FBXL13: variants seen among roughly 807,000 people sequenced by gnomAD.
The protein encoded by FBXL13 is F-box and leucine-rich repeat protein 13.
FBXL13 carries 67 observed loss-of-function variants against 83.6 expected under a neutral mutation model. The observed-to-expected ratio is 0.80, with a 90% CI of 0.66 to 0.98. FBXL13 has a LOEUF of 0.98. Among genes scored for constraint, FBXL13 ranks in the 50% least tolerant of loss-of-function variants. The pLI is 0.00. For synonymous variants in FBXL13, 272 were observed against 299.5 expected (o/e 0.91, Z 0.95); for missense variants, 822 against 866.5 (o/e 0.95, Z 0.64).
At chr7:103,064,484 G>C (rs376223504) in intron 1 of FBXL13, among the ~76,000 whole-genome samples, 2 of 152,280 alleles carry the variant, frequency 1.3e-5, no homozygotes, top group South Asian at 2.1e-4. Context: ...AGAAGAAAAG[G>C]GGGTAATTAC....
intron 1 of FBXL13, among the ~76,000 whole-genome samples, chr7:103,062,346 G>A (rs907684077): frequency 6.6e-6 from 1 of 152,080 alleles, no homozygotes; most frequent in African/African-American, 2.4e-5. Flanking sequence ...TGTTATTTCT[G>A]GATGACCCAC....
At chr7:102,973,807 T>C (rs1380182976) in intron 6 of FBXL13, 1 of 732,028 alleles carries the variant, frequency 1.4e-6, no homozygotes, top group African/African-American at 1.7e-5. Flanking sequence ...CAAGGAAAAA[T>C]CCATACAGCC....
At chr7:102,950,252 T>C (rs1030312618) in intron 8 of FBXL13, among the ~76,000 whole-genome samples, 1 of 152,108 alleles carries the variant, frequency 6.6e-6, no homozygotes, top group Non-Finnish European at 1.5e-5. Context: ...GAAATGTAAA[T>C]TAAAACAGCA....
intron 16 of FBXL13, among the ~76,000 whole-genome samples, chr7:102,868,915 G>C (rs889018122): frequency 1.3e-5 from 2 of 152,212 alleles, no homozygotes; most frequent in African/African-American, 4.8e-5. Flanking sequence ...TGATCCGCCT[G>C]CCTTGGCCTC....
At chr7:102,925,947 A>C (rs1279225364) in intron 10 of FBXL13, among the ~76,000 whole-genome samples, 5 of 151,920 alleles carry the variant, frequency 3.3e-5, no homozygotes, top group African/African-American at 1.2e-4. Flanking sequence ...TCTCAAAAAA[A>C]AAAAAAAAAA....
At chr7:103,019,674 C>A (rs1203151534) in intron 6 of FBXL13, among the ~76,000 whole-genome samples, 1 of 152,112 alleles carries the variant, frequency 6.6e-6, no homozygotes, top group Non-Finnish European at 1.5e-5. Flanking sequence ...TACAAACTAC[C>A]ATCAGAGAAT....
At chr7:102,892,332 T>C (rs1811634783) in intron 11 of FBXL13, among the ~76,000 whole-genome samples, 2 of 152,220 alleles carry the variant, frequency 1.3e-5, no homozygotes, top group Non-Finnish European at 2.9e-5. Flanking sequence ...TGTTAAACAA[T>C]AGGTGTTTGT....
At chr7:102,823,438 T>A (rs1429919222) in intron 18 of FBXL13, among the ~76,000 whole-genome samples, 1 of 152,134 alleles carries the variant, frequency 6.6e-6, no homozygotes, top group African/African-American at 2.4e-5. Flanking sequence ...GAGACAGATG[T>A]TTGGAAGCAA....
chr7:102,877,652 T>C (rs1019236676), intron 15 of FBXL13, 59 bp from the exon 17 acceptor site: 1 of 1,534,262 alleles, frequency 6.5e-7, no homozygotes, highest in Non-Finnish European at 8.8e-7. Flanking sequence ...GTAAGCAATT[T>C]CTTCATATAA....
intron 6 of FBXL13, among the ~76,000 whole-genome samples, chr7:102,998,384 C>T (rs931906809): frequency 6.6e-5 from 10 of 152,278 alleles, no homozygotes; most frequent in African/African-American, 2.4e-4. Context: ...AATCCATGAG[C>T]ATGGGCTATC....
At chr7:102,854,959 A>G (rs1178899348) in intron 16 of FBXL13, 99 bp from the exon 18 acceptor site, 2 of 623,016 alleles carry the variant, frequency 3.2e-6, no homozygotes, top group Admixed American at 7.4e-5. Flanking sequence ...ATAAAAAACC[A>G]TTTATGAAAA....
chr7:102,951,752 C>T (rs1349554095), intron 8 of FBXL13, among the ~76,000 whole-genome samples: 3 of 140,756 alleles, frequency 2.1e-5, no homozygotes, highest in Non-Finnish European at 4.5e-5. Context: ...CTGCAGTGAG[C>T]TGTGATCATG....
chr7:102,933,757 A>AT (rs1819678781), intron 8 of FBXL13: 3 of 668,534 alleles, frequency 4.5e-6, no homozygotes, highest in East Asian at 2.9e-5. Context: ...TTTAATATAT[A>AT]TTTTTTTCTC....
chr7:102,963,228 C>T (rs1488384618), intron 8 of FBXL13, among the ~76,000 whole-genome samples: 1 of 150,468 alleles, frequency 6.6e-6, no homozygotes, highest in East Asian at 2.0e-4. Context: ...GGCTGAGGCA[C>T]GAAAATCATT....
In FBXL13 at chr7:103,016,349, G is replaced by A. The variant is rs182929104; in HGVS notation, c.495+8714C>T. Among the ~76,000 whole-genome samples, 510 of 151,914 alleles carry A rather than the reference G, an allele frequency of 3.4e-3. 4 individuals are homozygous for A. The highest frequency in any genetic ancestry group is 4.8e-3 in the South Asian group (23 of 4,796). On this transcript the variant is annotated intron_variant, in intron 6 of 19. Transcript: ENST00000313221. ...GGTGGGGGGAGGTTCCAAGATGGCC[G>A]AATAGGAACAGCTCCTATCTATAGC...
At chr7:102,883,317 G>A (rs891146118) in exon 14 of FBXL13, 18 of 1,610,754 alleles carry the variant, frequency 1.1e-5, no homozygotes, top group Non-Finnish European at 1.4e-5. Context: ...TACACAATTT[G>A]CCAAATTCAA....
intron 8 of FBXL13, among the ~76,000 whole-genome samples, chr7:102,946,716 A>C (rs6973115): frequency 0.97 from 147,530 of 151,780 alleles, 71,848 homozygotes; most frequent in East Asian, 1. Flanking sequence ...GCTCTGTCAT[A>C]CAGTCTGGAG....
intron 14 of FBXL13, 95 bp downstream of exon 15, chr7:102,883,210 A>G: frequency 1.6e-6 from 2 of 1,246,982 alleles, no homozygotes; most frequent in South Asian, 1.7e-5. Flanking sequence ...CTTGACTTTC[A>G]TGTTTACCCC....
At chr7:102,820,511 C>G (rs116943888) in intron 19 of FBXL13, among the ~76,000 whole-genome samples, 1 of 152,088 alleles carries the variant, frequency 6.6e-6, no homozygotes, top group Non-Finnish European at 1.5e-5. Context: ...GCAAGAAGAC[C>G]GAGCAGTTAA....
Sources: gnomAD v4.1 joint callset for allele counts (sites outside exome capture counted in the v4.1 genomes callset) on GRCh38, gnomAD v4.1.1 for gene constraint, MANE v1.5 for transcripts, NCBI Gene and HGNC (gene_info 2026-07-23, HGNC 2026-07-21) for gene names.